Variants in GPATCH2 observed in about 807,000 individuals in gnomAD.
GPATCH2 encodes the protein G patch domain-containing protein 2.
A neutral mutation model predicts 58.0 loss-of-function variants in GPATCH2; 51 were observed. The observed-to-expected ratio is 0.88, with a 90% CI of 0.70 to 1.11. GPATCH2 has a LOEUF of 1.11. Among genes scored for constraint, GPATCH2 ranks in the 50% most tolerant of loss-of-function variants. The pLI, the probability that GPATCH2 is intolerant of heterozygous loss-of-function variation, is 0.00. For synonymous variants in GPATCH2, 222 were observed against 218.5 expected (o/e 1.02, Z -0.14); for missense variants, 625 against 652.2 (o/e 0.96, Z 0.45).
At chr1:217,450,677 A>G (rs2102471240) in intron 8 of GPATCH2, among the ~76,000 whole-genome samples, 2 of 152,210 alleles carry the variant, frequency 1.3e-5, no homozygotes, top group Middle Eastern at 3.4e-3. Flanking sequence ...ATTTCAAAAA[A>G]CCTTTCAAAA....
chr1:217,619,165 T>C (rs988406617), intron 2 of GPATCH2, among the ~76,000 whole-genome samples: 4 of 152,178 alleles, frequency 2.6e-5, no homozygotes, highest in Non-Finnish European at 5.9e-5. Context: ...AAATGATCAC[T>C]TACCTTTTGA....
chr1:217,596,641 AAAT>A (rs1296990668), intron 5 of GPATCH2, among the ~76,000 whole-genome samples: 2 of 152,190 alleles, frequency 1.3e-5, no homozygotes, highest in African/African-American at 4.8e-5. Flanking sequence ...CTGATATGAA[AAAT>A]AATAATATTC....
chr1:217,480,623 A>C (rs1661171551), intron 8 of GPATCH2, among the ~76,000 whole-genome samples: 1 of 152,222 alleles, frequency 6.6e-6, no homozygotes, highest in Non-Finnish European at 1.5e-5. Context: ...CATATGATCC[A>C]GCAATCCCAC....
At chr1:217,462,207 C>A (rs1660228656) in intron 8 of GPATCH2, among the ~76,000 whole-genome samples, 1 of 151,986 alleles carries the variant, frequency 6.6e-6, no homozygotes, top group South Asian at 2.1e-4. Flanking sequence ...AAAACACTAC[C>A]CTACAAAAAT....
chr1:217,584,344 A>AAAAAAAAAAAAAAATATATATAT lies in GPATCH2; in HGVS notation c.1098+25976_1098+25977insATATATATATTTTTTTTTTTTTT, dbSNP rs1463910405. Among the ~76,000 whole-genome samples, 42 of 101,796 alleles carry AAAAAAAAAAAAAAATATATATAT rather than the reference A, an allele frequency of 4.1e-4. No individual in the cohort carries two copies. In the East Asian group the frequency reaches 4.9e-3, roughly 12 times the overall value. 66.8% of individuals were successfully genotyped at this position (101,796 alleles called of 152,430 possible). A position where few individuals can be genotyped will look rare whatever the true frequency, so the allele number is the denominator to read the frequency against. On this transcript the variant is annotated intron_variant, in intron 5 of 9. Transcript: ENST00000366935. ...CTCACCTCTACTAAAAAAAAAAAAA[A>AAAAAAAAAAAAAAATATATATAT]ATATATATATATATATATATACACA...
chr1:217,436,602 A>G (rs2102528964), intron 9 of GPATCH2, among the ~76,000 whole-genome samples: 1 of 152,344 alleles, frequency 6.6e-6, no homozygotes, highest in South Asian at 2.1e-4. Flanking sequence ...TATATGAACA[A>G]TATATCGCAC....
chr1:217,559,754 G>C (rs971683725), intron 5 of GPATCH2, among the ~76,000 whole-genome samples: 2 of 152,080 alleles, frequency 1.3e-5, no homozygotes, highest in African/African-American at 4.8e-5. Context: ...GATTGAGCTG[G>C]GCTAAAGACA....
chr1:217,434,318 C>T (rs986361420), intron 9 of GPATCH2, among the ~76,000 whole-genome samples: 8 of 152,102 alleles, frequency 5.3e-5, no homozygotes, highest in African/African-American at 1.2e-4. Flanking sequence ...CATACACACG[C>T]AAGCACGCAC....
intron 8 of GPATCH2, among the ~76,000 whole-genome samples, chr1:217,476,917 G>A (rs1660995727): frequency 6.6e-6 from 1 of 152,092 alleles, no homozygotes; most frequent in African/African-American, 2.4e-5. Flanking sequence ...GGGAGTGCTA[G>A]CATCACTCCT....
rs767613552 is a variant in GPATCH2, at chr1:217,631,019, C to T, written c.-48G>A. ...CTCGAAGCTCAGGCCCGTGAACAGA[C>T]TCCAACTACAACAGCACCGGCGACT... On this transcript the variant is annotated 5_prime_UTR_variant, in exon 1 of 10. Coordinates refer to ENST00000366935, the MANE Select transcript of GPATCH2 (RefSeq NM_018040.5). 5.9e-6 allele frequency: 9 copies of T among 1,527,628 alleles called. No individual in the cohort carries two copies. The highest frequency in any genetic ancestry group is 5.5e-5 in the Admixed American group (3 of 54,164). 94.6% of individuals were successfully genotyped at this position (1,527,628 alleles called of 1,614,324 possible).
intron 5 of GPATCH2, among the ~76,000 whole-genome samples, chr1:217,571,024 A>G (rs1476132940): frequency 1.3e-5 from 2 of 152,228 alleles, no homozygotes; most frequent in East Asian, 3.8e-4. Flanking sequence ...GCAGCCTACC[A>G]GGTGCTATTC....
At chr1:217,551,828 A>G (rs2102670941) in intron 5 of GPATCH2, among the ~76,000 whole-genome samples, 1 of 152,292 alleles carries the variant, frequency 6.6e-6, no homozygotes, top group East Asian at 1.9e-4. Context: ...TGGAACTTGT[A>G]TAAGGAAGGT....
At chr1:217,580,620 T>A (rs1667029463) in intron 5 of GPATCH2, among the ~76,000 whole-genome samples, 1 of 152,168 alleles carries the variant, frequency 6.6e-6, no homozygotes, top group Non-Finnish European at 1.5e-5. Flanking sequence ...CCTTTCACTT[T>A]TATCATCCTC....
chr1:217,483,408 C>T (rs1169475894), intron 8 of GPATCH2, among the ~76,000 whole-genome samples: 1 of 152,136 alleles, frequency 6.6e-6, no homozygotes, highest in African/African-American at 2.4e-5. Flanking sequence ...TGGCCTTGAG[C>T]TTTAGAGCTC....
intron 9 of GPATCH2, among the ~76,000 whole-genome samples, chr1:217,437,418 G>A (rs1304122886): frequency 1.3e-5 from 2 of 152,148 alleles, no homozygotes; most frequent in African/African-American, 4.8e-5. Flanking sequence ...TTGAAGCCAG[G>A]GAGCCAAGTG....
intron 7 of GPATCH2, among the ~76,000 whole-genome samples, chr1:217,492,196 C>T (rs1661777853): frequency 6.6e-6 from 1 of 152,128 alleles, no homozygotes; most frequent in Non-Finnish European, 1.5e-5. Flanking sequence ...GCTTTGTTAC[C>T]TATGCTGACA....
intron 5 of GPATCH2, among the ~76,000 whole-genome samples, chr1:217,588,635 T>C (rs1312042766): frequency 1.3e-5 from 2 of 152,138 alleles, no homozygotes; most frequent in East Asian, 3.9e-4. Context: ...AGTGCACAAA[T>C]CTTAAACTCA....
intron 8 of GPATCH2, among the ~76,000 whole-genome samples, chr1:217,470,772 T>C (rs554125312): frequency 6.6e-6 from 1 of 152,232 alleles, no homozygotes; most frequent in South Asian, 2.1e-4. Context: ...CTTCCAATTA[T>C]TCTACTCTAA....
chr1:217,531,531 A>G (rs1300694518), intron 5 of GPATCH2, among the ~76,000 whole-genome samples: 1 of 152,150 alleles, frequency 6.6e-6, no homozygotes. Flanking sequence ...TACCTATCTC[A>G]TGAAATAGTA....
Sources: allele counts gnomAD v4.1 joint callset (sites outside exome capture counted in the v4.1 genomes callset), GRCh38; gene constraint gnomAD v4.1.1; transcripts MANE v1.5; gene names NCBI Gene and HGNC (gene_info 2026-07-23, HGNC 2026-07-21).